Variants in ALCAM observed in about 807,000 individuals in gnomAD.
ALCAM encodes the protein activated leukocyte cell adhesion molecule.
In ALCAM, 30 loss-of-function variants were observed where a neutral mutation model predicts 70.9. The observed-to-expected ratio is 0.42, with a 90% CI of 0.32 to 0.57. ALCAM has a LOEUF of 0.57. Ranked by LOEUF, ALCAM falls within the 20% of genes least tolerant of loss-of-function variation. The pLI is 0.11. For synonymous variants in ALCAM, 249 were observed against 242.5 expected (o/e 1.03, Z -0.25); for missense variants, 591 against 695.1 (o/e 0.85, Z 1.68).
At position 105,367,220 on chromosome 3, in the gene ALCAM, T is replaced by C; in HGVS notation, c.-189T>C. 1.7e-6 allele frequency: 1 copy of C among 589,536 alleles called. No homozygotes were observed. Among genetic ancestry groups the C allele is most frequent in the East Asian group, 3.0e-5 (1 of 33,788 alleles). 36.5% of individuals were successfully genotyped at this position (589,536 alleles called of 1,614,324 possible). A position where few individuals can be genotyped will look rare whatever the true frequency, so the allele number is the denominator to read the frequency against. Reference sequence around the variant, plus strand: ...GGGAGGGAGGAGGAGTTGGGGGCATTGCGTGGTGGAAAGTTGCGTGCGGCA... The same window carrying C: ...GGGAGGGAGGAGGAGTTGGGGGCATCGCGTGGTGGAAAGTTGCGTGCGGCA... On this transcript the variant is annotated 5_prime_UTR_variant, in exon 1 of 16. Coordinates refer to ENST00000306107, the MANE Select transcript of ALCAM (RefSeq NM_001627.4).
At chr3:105,517,845 C>G (rs1049254554) in intron 1 of ALCAM, among the ~76,000 whole-genome samples, 1 of 152,054 alleles carries the variant, frequency 6.6e-6, no homozygotes, top group Admixed American at 6.6e-5. Context: ...AGTTTGATAA[C>G]CAAAATGGAA....
chr3:105,574,769 C>T lies in ALCAM; in HGVS notation c.*318C>T, dbSNP rs1025561970. ...GTTTGCCTTTTATGTAAATTTTTTA[C>T]GTAGCTATTTTTATACACTGTAAGC... On this transcript the variant is annotated 3_prime_UTR_variant, in exon 16 of 16. Transcript: ENST00000306107. 24 of 152,470 alleles carry T rather than the reference C, an allele frequency of 1.6e-4. No homozygotes were observed. The highest frequency in any genetic ancestry group is 1.4e-3 in the Admixed American group (22 of 15,248). The allele number at this position is 152,470 out of a possible 1,614,324, so 9.4% of individuals were successfully genotyped here. A position where few individuals can be genotyped will look rare whatever the true frequency, so the allele number is the denominator to read the frequency against.
At chr3:105,503,700 G>A (rs1301757005) in intron 1 of ALCAM, among the ~76,000 whole-genome samples, 1 of 152,106 alleles carries the variant, frequency 6.6e-6, no homozygotes, top group Non-Finnish European at 1.5e-5. Context: ...AATTGTTTAA[G>A]CTATTATTTA....
chr3:105,383,099 ACC>A (rs1244911359), intron 1 of ALCAM, among the ~76,000 whole-genome samples: 2 of 151,606 alleles, frequency 1.3e-5, no homozygotes, highest in African/African-American at 4.8e-5. Flanking sequence ...CCTCTCAATC[ACC>A]CTTTCTTTGC....
intron 1 of ALCAM, among the ~76,000 whole-genome samples, chr3:105,492,505 G>GT (rs1938614401): frequency 6.6e-6 from 1 of 152,168 alleles, no homozygotes; most frequent in Non-Finnish European, 1.5e-5. Flanking sequence ...GCCAAAAAAT[G>GT]TAATGATTAG....
At chr3:105,536,185 T>C (rs1576228136) in intron 6 of ALCAM, among the ~76,000 whole-genome samples, 2 of 151,756 alleles carry the variant, frequency 1.3e-5, no homozygotes, top group South Asian at 4.2e-4. Flanking sequence ...CCTCCACCTC[T>C]TGAATTCAAG....
At chr3:105,536,764 A>G (rs1164265679) in intron 6 of ALCAM, among the ~76,000 whole-genome samples, 1 of 152,160 alleles carries the variant, frequency 6.6e-6, no homozygotes, top group East Asian at 1.9e-4. Flanking sequence ...GAAATTGCCA[A>G]TGCAAGGTTG....
At chr3:105,522,878 G>T (rs1443986668) in intron 2 of ALCAM, among the ~76,000 whole-genome samples, 1 of 152,152 alleles carries the variant, frequency 6.6e-6, no homozygotes, top group East Asian at 1.9e-4. Flanking sequence ...GGTGGCTCAC[G>T]CCTGTAATCC....
chr3:105,381,897 G>T (rs1935531487), intron 1 of ALCAM, among the ~76,000 whole-genome samples: 1 of 150,166 alleles, frequency 6.7e-6, no homozygotes, highest in African/African-American at 2.4e-5. Flanking sequence ...TTTTTTTATT[G>T]TCATATTTTA....
At chr3:105,524,582 G>T in intron 3 of ALCAM, 74 bp downstream of exon 3, 1 of 1,587,982 alleles carries the variant, frequency 6.3e-7, no homozygotes, top group Non-Finnish European at 8.6e-7. Flanking sequence ...TTAGAAAGAA[G>T]ACTGAACTCT....
intron 1 of ALCAM, among the ~76,000 whole-genome samples, chr3:105,390,612 A>G (rs751861421): frequency 1.3e-5 from 2 of 151,888 alleles, no homozygotes; most frequent in South Asian, 2.1e-4. Flanking sequence ...CTTAGATCCC[A>G]TTTGTCAATT....
intron 1 of ALCAM, among the ~76,000 whole-genome samples, chr3:105,397,420 A>T (rs566576687): frequency 2.0e-5 from 3 of 152,086 alleles, no homozygotes; most frequent in Non-Finnish European, 4.4e-5. Flanking sequence ...AATAACAAAA[A>T]GTGATAACTC....
At chr3:105,559,763 A>G (rs966109478) in intron 14 of ALCAM, among the ~76,000 whole-genome samples, 1 of 152,168 alleles carries the variant, frequency 6.6e-6, no homozygotes, top group Non-Finnish European at 1.5e-5. Context: ...GCTAATTGTT[A>G]TGACCAGAGA....
intron 1 of ALCAM, among the ~76,000 whole-genome samples, chr3:105,466,375 A>T (rs1340022784): frequency 6.6e-6 from 1 of 151,514 alleles, no homozygotes; most frequent in African/African-American, 2.4e-5. Context: ...AGGCAAAAGC[A>T]TTCTTTAACA....
intron 1 of ALCAM, among the ~76,000 whole-genome samples, chr3:105,376,683 G>A (rs1267412020): frequency 6.6e-6 from 1 of 152,162 alleles, no homozygotes; most frequent in African/African-American, 2.4e-5. Context: ...ACAATGAACA[G>A]CATTTTACAA....
intron 1 of ALCAM, among the ~76,000 whole-genome samples, chr3:105,495,197 C>G (rs1414692978): frequency 6.6e-6 from 1 of 152,190 alleles, no homozygotes; most frequent in Non-Finnish European, 1.5e-5. Flanking sequence ...TATGTGGACT[C>G]TTTGGCACTG....
At chr3:105,427,413 G>T (rs1936817255) in intron 1 of ALCAM, among the ~76,000 whole-genome samples, 1 of 151,870 alleles carries the variant, frequency 6.6e-6, no homozygotes, top group African/African-American at 2.4e-5. Flanking sequence ...GCAGTGAAAG[G>T]CAAACTCATA....
chr3:105,370,421 C>T (rs992949455), intron 1 of ALCAM, among the ~76,000 whole-genome samples: 1 of 152,106 alleles, frequency 6.6e-6, no homozygotes, highest in African/African-American at 2.4e-5. Context: ...GGCACTTGAG[C>T]AAGTCATTTA....
chr3:105,475,849 A>G (rs1417275855), intron 1 of ALCAM, among the ~76,000 whole-genome samples: 1 of 151,846 alleles, frequency 6.6e-6, no homozygotes, highest in Non-Finnish European at 1.5e-5. Context: ...GTCCCATTTA[A>G]GATAAAAAAT....
Sources: gnomAD v4.1 joint callset for allele counts (sites outside exome capture counted in the v4.1 genomes callset) on GRCh38, gnomAD v4.1.1 for gene constraint, MANE v1.5 for transcripts, NCBI Gene and HGNC (gene_info 2026-07-23, HGNC 2026-07-21) for gene names.